Variants in MYOM3 observed in about 807,000 individuals in gnomAD.
MYOM3 encodes myomesin 3, also known as myomesin-3.
MYOM3 carries 155 observed loss-of-function variants against 191.7 expected under a neutral mutation model. That is an observed-to-expected ratio of 0.81 (90% CI 0.71 to 0.92). The LOEUF (loss-of-function observed/expected upper bound fraction) is 0.92. Ranked by LOEUF, MYOM3 falls within the 40% of genes least tolerant of loss-of-function variation. MYOM3 has a pLI of 0.00. For missense variants in MYOM3, 1,889 were observed against 1,890.6 expected, an observed-to-expected ratio of 1.00 and a Z score of 0.02; for synonymous variants, 757 against 762.9, an observed-to-expected ratio of 0.99 and a Z score of 0.13.
chr1:24,071,017 G>T, intron 25 of MYOM3, 100 bp downstream of exon 25: 1 of 1,394,640 alleles, frequency 7.2e-7, no homozygotes, highest in Non-Finnish European at 9.9e-7. Flanking sequence ...TTCTGAAATG[G>T]CCACTAGGGG....
At chr1:24,079,585 T>C (rs1643643054) in intron 20 of MYOM3, among the ~76,000 whole-genome samples, 1 of 152,202 alleles carries the variant, frequency 6.6e-6, no homozygotes, top group South Asian at 2.1e-4. Context: ...TAAGGTACAC[T>C]GTGATTAACT....
At chr1:24,089,355 A>G (rs1057326554) in intron 14 of MYOM3, among the ~76,000 whole-genome samples, 183 bp downstream of exon 14, 3 of 152,226 alleles carry the variant, frequency 2.0e-5, no homozygotes, top group Admixed American at 6.5e-5. Context: ...TTCCAGGGCT[A>G]GAGGTAGCTG....
intron 25 of MYOM3, among the ~76,000 whole-genome samples, chr1:24,069,517 T>A (rs1643496100): frequency 6.6e-6 from 1 of 152,166 alleles, no homozygotes; most frequent in Non-Finnish European, 1.5e-5. Flanking sequence ...CCTCTTTCTA[T>A]AATACATGTT....
intron 5 of MYOM3, among the ~76,000 whole-genome samples, chr1:24,101,397 G>A (rs996852931): frequency 2.6e-5 from 4 of 151,104 alleles, no homozygotes; most frequent in Admixed American, 6.6e-5. Context: ...TCAGAATTTC[G>A]GGGGGGTTAG....
chr1:24,095,697 G>A (rs1038107271), intron 7 of MYOM3, among the ~76,000 whole-genome samples: 1 of 152,152 alleles, frequency 6.6e-6, no homozygotes, highest in Admixed American at 6.5e-5. Context: ...AGGAACGAGC[G>A]GGTTCACATG....
At position 24,081,321 on chromosome 1, in the gene MYOM3, G is replaced by C. The variant is rs555361056; in HGVS notation, c.2407+9C>G. Reference sequence around the variant, plus strand: ...CAGGCACTGGACTTCAGGCCTGCAGGCCTCTCACCTGGCTGGGGCATTGTC... The same window carrying C: ...CAGGCACTGGACTTCAGGCCTGCAGCCCTCTCACCTGGCTGGGGCATTGTC... On this transcript the variant is annotated intron_variant, in intron 19 of 36. Coordinates refer to ENST00000374434, the MANE Select transcript of MYOM3 (RefSeq NM_152372.4). The C allele has an allele frequency of 6.2e-7, 1 of 1,613,354 alleles. No homozygotes were observed. The highest frequency in any genetic ancestry group is 8.5e-7 in the Non-Finnish European group (1 of 1,179,930).
Position 24,091,757 on chromosome 1 carries a change from C to T in MYOM3, c.1232+417G>A, listed in dbSNP as rs572283434. ...TTTTCTCAAGCTGGGCCTTCAGAGC[C>T]GGCCACACTGGAAAAAGGCCGGAGG... is the stretch of plus-strand genomic sequence containing the variant. On this transcript the variant is annotated intron_variant, in intron 11 of 36. Coordinates refer to ENST00000374434, the MANE Select transcript of MYOM3 (RefSeq NM_152372.4). Among the ~76,000 whole-genome samples the T allele has an allele frequency of 2.0e-4, 31 of 152,328 alleles. 2 individuals are homozygous for T. In the South Asian group the frequency reaches 6.0e-3, roughly 29 times the overall value.
intron 21 of MYOM3, among the ~76,000 whole-genome samples, chr1:24,075,783 T>G (rs1422515731): frequency 6.6e-6 from 1 of 152,216 alleles, no homozygotes; most frequent in South Asian, 2.1e-4. Context: ...TACTGTCTTC[T>G]GCTCCCCCCA....
intron 16 of MYOM3, chr1:24,084,138 G>A (rs1342741348): frequency 3.5e-6 from 1 of 285,888 alleles, no homozygotes; most frequent in Non-Finnish European, 6.7e-6. Context: ...GACCTCGTGG[G>A]AGGAGATTGG....
rs1370193664 is a variant in MYOM3, at chr1:24,087,418, G to A, written c.1615-591C>T. Among the ~76,000 whole-genome samples the A allele has an allele frequency of 1.3e-5, 2 of 151,920 alleles. No individual in the cohort carries two copies. The highest frequency in any genetic ancestry group is 4.8e-5 in the African/African-American group (2 of 41,356). ...CCCTGTCTGCCCAGAACCCTCCCAC[G>A]TCCCGCATCTCCCTCAGAGCAAAAG... On this transcript the variant is annotated intron_variant, in intron 14 of 36. Transcript: ENST00000374434. The surrounding 1 kb of genome is among the most constrained non-coding windows in gnomAD (Gnocchi z 4.5).
chr1:24,108,605 C>T lies in MYOM3; in HGVS notation c.32G>A (p.Gly11Glu). The T allele has an allele frequency of 6.4e-7, 1 of 1,567,426 alleles. No homozygotes were observed. Among genetic ancestry groups the T allele is most frequent in the African/African-American group, 1.4e-5 (1 of 73,520 alleles). The change falls in exon 2 of 37, where the codon GGG becomes GAG. Residue 11 changes from glycine (G) to glutamate (E), a missense_variant. By Grantham distance (98) the Gly-to-Glu change is moderately conservative (BLOSUM62 -2). Transcript: ENST00000374434. The stretch of plus-strand genomic sequence containing the variant: ...CATGGCCTGGGGGGGCCGGGGGTCC[C>T]CCGCACCTCCCAAGCTGTGCGGCAG... MTLPHSLGGA[G>E]DPRPPQAMEV...
rs772952343 is a variant in MYOM3 at position 24,099,708 on chromosome 1, AGTT to A, written c.625_627del (p.Asn209del). 1.5e-5 allele frequency: 25 copies of A among 1,613,642 alleles called. No homozygotes were observed. Among genetic ancestry groups the A allele is most frequent in the South Asian group, 2.2e-5 (2 of 91,078 alleles). ...CTAATCTCCAGGGACAGCAGCCCGTAGTTGTTGGTGATTCGGTATTTTCCGGCA... is the reference window on the plus strand; with the variant it reads ...CTAATCTCCAGGGACAGCAGCCCGTAGTTGGTGATTCGGTATTTTCCGGCA... On this transcript the variant is annotated inframe_deletion, in exon 6 of 37. Transcript: ENST00000374434.
chr1:24,090,200 G>A (rs892426399), intron 12 of MYOM3, 82 bp from the exon 13 acceptor site: 6 of 1,107,752 alleles, frequency 5.4e-6, no homozygotes, highest in East Asian at 4.7e-5. Flanking sequence ...CAGGGTCTGC[G>A]TCCTGCCCCG....
In MYOM3 at chr1:24,111,502, T is replaced by C. The variant is rs998877138; in HGVS notation, c.-19+529A>G. 1.3e-5 allele frequency among the ~76,000 whole-genome samples: 2 copies of C among 152,224 alleles called. No individual in the cohort carries two copies. Reference sequence around the variant, plus strand: ...GGCCGAATCCTGCCCTTGCCAGTCATGAGCTGAGGCAACTCCTTTCCCGTC... The same window carrying C: ...GGCCGAATCCTGCCCTTGCCAGTCACGAGCTGAGGCAACTCCTTTCCCGTC... On this transcript the variant is annotated intron_variant, in intron 1 of 36. Transcript: ENST00000374434. The surrounding 1 kb of genome is among the most constrained non-coding windows in gnomAD (Gnocchi z 4.7).
At chr1:24,107,030 T>A in intron 4 of MYOM3, 43 bp downstream of exon 4, 1 of 1,551,476 alleles carries the variant, frequency 6.4e-7, no homozygotes, top group Non-Finnish European at 8.7e-7. Context: ...AAGTGGTGCG[T>A]CGCAGGTCCC....
chr1:24,108,625 C>T lies in MYOM3; in HGVS notation c.12G>A (p.Pro4=), dbSNP rs1219761517. 6 of 1,559,596 alleles carry T rather than the reference C, an allele frequency of 3.8e-6. No homozygotes were observed. The highest frequency in any genetic ancestry group is 5.2e-6 in the Non-Finnish European group (6 of 1,154,516). The change falls in exon 2 of 37, where the codon CCG becomes CCA. Residue 4 remains proline (P), a synonymous_variant. Coordinates refer to ENST00000374434, the MANE Select transcript of MYOM3 (RefSeq NM_152372.4). MTL[P]HSLGGAGDPR... ...GGTCCCCCGCACCTCCCAAGCTGTG[C>T]GGCAGAGTCATGGTTACGAGAGCAA...
At chr1:24,104,119 A>G (rs1643962736) in intron 5 of MYOM3, among the ~76,000 whole-genome samples, 1 of 152,242 alleles carries the variant, frequency 6.6e-6, no homozygotes, top group Admixed American at 6.5e-5. Flanking sequence ...TACCTGTGTA[A>G]TAGGCATAAT....
chr1:24,065,768 C>T (rs1326308699), intron 29 of MYOM3, 123 bp downstream of exon 29: 1 of 776,420 alleles, frequency 1.3e-6, no homozygotes, highest in Non-Finnish European at 2.4e-6. Context: ...AAATTTTGTG[C>T]TCAGGGCCTC....
In MYOM3 at chr1:24,081,470, A is replaced by G. The variant is rs1409919304; in HGVS notation, c.2281-14T>C. 6.2e-7 allele frequency: 1 copy of G among 1,612,832 alleles called. No individual in the cohort carries two copies. Among genetic ancestry groups the G allele is most frequent in the Admixed American group, 1.7e-5 (1 of 59,960 alleles). On this transcript the variant is annotated splice_polypyrimidine_tract_variant and intron_variant, in intron 18 of 36. Coordinates refer to ENST00000374434, the MANE Select transcript of MYOM3 (RefSeq NM_152372.4). Reference sequence around the variant, plus strand: ...AAGGTCACTGACCTTTAAGAGCAGAAACACAAACTATGAGGCTGAGGCTGG... The same window carrying G: ...AAGGTCACTGACCTTTAAGAGCAGAGACACAAACTATGAGGCTGAGGCTGG...
Sources: allele counts gnomAD v4.1 joint callset (sites outside exome capture counted in the v4.1 genomes callset), GRCh38; gene constraint gnomAD v4.1.1; non-coding constraint Gnocchi (gnomAD v3.1); transcripts MANE v1.5; gene names NCBI Gene and HGNC (gene_info 2026-07-23, HGNC 2026-07-21).